AKAP7: variants seen among roughly 807,000 people sequenced by gnomAD.
AKAP7 encodes the protein A-kinase anchoring protein 7, also known as A kinase (PRKA) anchor protein 7.
AKAP7 carries 39 observed loss-of-function variants against 39.5 expected under a neutral mutation model. The observed-to-expected ratio is 0.99, with a 90% CI of 0.76 to 1.29. The LOEUF (loss-of-function observed/expected upper bound fraction) is 1.29, where lower values mean the gene tolerates loss of function less well. Among genes scored for constraint, AKAP7 ranks in the 50% most tolerant of loss-of-function variants. AKAP7 has a pLI of 0.00. For missense variants in AKAP7, 414 were observed against 407.7 expected (o/e 1.02, Z -0.13); for synonymous variants, 140 against 139.1 (o/e 1.01, Z -0.05).
intron 6 of AKAP7, among the ~76,000 whole-genome samples, chr6:131,204,460 T>C (rs1172112319): frequency 6.6e-6 from 1 of 152,214 alleles, no homozygotes; most frequent in East Asian, 1.9e-4. Context: ...AATGGTTTCC[T>C]TGGGTTTGCC....
upstream of AKAP7, among the ~76,000 whole-genome samples, chr6:131,132,701 C>T (rs1448039142): frequency 6.6e-6 from 1 of 151,976 alleles, no homozygotes; most frequent in African/African-American, 2.4e-5. Flanking sequence ...TTTACTTGTA[C>T]CTCTATCTCC....
chr6:131,267,296 A>G (rs1813879604), intron 7 of AKAP7, among the ~76,000 whole-genome samples: 1 of 152,182 alleles, frequency 6.6e-6, no homozygotes, highest in South Asian at 2.1e-4. Context: ...CAGCATCACT[A>G]GTCAGTGACA....
chr6:131,188,456 G>A (rs1030792127), intron 5 of AKAP7, among the ~76,000 whole-genome samples: 1 of 152,180 alleles, frequency 6.6e-6, no homozygotes, highest in Non-Finnish European at 1.5e-5. Context: ...ACTTACAATA[G>A]TAGTAGAAAG....
chr6:131,251,365 C>G (rs1447871417), intron 7 of AKAP7, among the ~76,000 whole-genome samples: 1 of 152,112 alleles, frequency 6.6e-6, no homozygotes, highest in South Asian at 2.1e-4. Context: ...CTAGTTGCCC[C>G]GAAATAGGGA....
chr6:131,275,528 T>C, intron 7 of AKAP7, among the ~76,000 whole-genome samples: 1 of 152,164 alleles, frequency 6.6e-6, no homozygotes, highest in East Asian at 1.9e-4. Flanking sequence ...AGAATCATAA[T>C]ATAGAGTCAG....
intron 7 of AKAP7, among the ~76,000 whole-genome samples, chr6:131,234,554 G>A (rs1810881775): frequency 6.6e-6 from 1 of 151,506 alleles, no homozygotes; most frequent in Non-Finnish European, 1.5e-5. Flanking sequence ...GCAGGGACGT[G>A]TAAGTAATTC....
intron 7 of AKAP7, among the ~76,000 whole-genome samples, chr6:131,245,335 C>T (rs931335355): frequency 9.2e-5 from 14 of 151,566 alleles, no homozygotes; most frequent in African/African-American, 3.4e-4. Flanking sequence ...ACCGCCACCT[C>T]CCAGGTTCAT....
intron 3 of AKAP7, among the ~76,000 whole-genome samples, chr6:131,164,855 TAGA>T (rs1328232964): frequency 6.6e-6 from 1 of 152,220 alleles, no homozygotes; most frequent in Non-Finnish European, 1.5e-5. Context: ...ACTGTTAAGA[TAGA>T]CAATCATCAT....
At chr6:131,169,732 A>G (rs533584840) in intron 5 of AKAP7, among the ~76,000 whole-genome samples, 8 of 152,304 alleles carry the variant, frequency 5.3e-5, no homozygotes, top group Admixed American at 2.6e-4. Context: ...AAAAAATCAT[A>G]ACCTGGATGA....
chr6:131,236,818 C>T (rs185711711), intron 7 of AKAP7, among the ~76,000 whole-genome samples: 5 of 152,118 alleles, frequency 3.3e-5, no homozygotes, highest in Admixed American at 1.3e-4. Context: ...GAGACGATGG[C>T]GTTTTCTAGA....
chr6:131,161,644 CAAAAAAAAAAAAAAAAAAAAAAA>C (rs55744190), intron 3 of AKAP7, among the ~76,000 whole-genome samples: 20 of 33,624 alleles, frequency 5.9e-4, no homozygotes, highest in Admixed American at 1.8e-3. Flanking sequence ...GACTGTATCT[CAAAAAAAAAAAAAAAAAAAAAAA>C]AAAAAAAAAA....
chr6:131,241,635 A>ACGTATATATATATATATGTGTGTGTGTG (rs1440702156), intron 7 of AKAP7, among the ~76,000 whole-genome samples: 11 of 86,604 alleles, frequency 1.3e-4, no homozygotes, highest in Non-Finnish European at 2.3e-4. Flanking sequence ...GTGTATATAT[A>ACGTATATATATATATATGTGTGTGTGTG]TATGACAGTT....
At chr6:131,246,689 T>TATC (rs1241021285) in intron 7 of AKAP7, among the ~76,000 whole-genome samples, 6 of 152,240 alleles carry the variant, frequency 3.9e-5, no homozygotes, top group Admixed American at 1.3e-4. Context: ...AAAAAGGGTC[T>TATC]ATCTTTAGGT....
At chr6:131,237,955 A>G (rs1811212611) in intron 7 of AKAP7, among the ~76,000 whole-genome samples, 1 of 151,894 alleles carries the variant, frequency 6.6e-6, no homozygotes, top group Non-Finnish European at 1.5e-5. Flanking sequence ...TAGCTTTTGA[A>G]TGTGTTTGCT....
rs192368266 is a variant in AKAP7, at chr6:131,189,515, A to G, written c.590-9946A>G. On this transcript the variant is annotated intron_variant, in intron 5 of 7. Transcript: ENST00000431975. ...GCAAAAAGGGTATATAAGTAGAAAC[A>G]TGACTTTGTTAAAATTGATCTGTTA... Among the ~76,000 whole-genome samples, 20 of 152,312 alleles carry G rather than the reference A, an allele frequency of 1.3e-4. No homozygotes were observed. In the East Asian group the frequency reaches 3.7e-3, roughly 28 times the overall value.
intron 7 of AKAP7, among the ~76,000 whole-genome samples, chr6:131,227,693 T>A (rs1370474610): frequency 6.6e-6 from 1 of 152,184 alleles, no homozygotes; most frequent in East Asian, 1.9e-4. Flanking sequence ...CTAGATAAGT[T>A]AGTGCCATAT....
At chr6:131,195,581 A>AC (rs1806843920) in intron 5 of AKAP7, among the ~76,000 whole-genome samples, 4 of 152,052 alleles carry the variant, frequency 2.6e-5, no homozygotes. Flanking sequence ...TTTCTTTCAG[A>AC]TTTTCAGATT....
rs77930548 is a variant in AKAP7, at chr6:131,184,313, G to A, written c.589+15040G>A. 0.019 allele frequency: 11,663 copies of A among 614,314 alleles called. 856 individuals carry two copies. In the East Asian group the frequency reaches 0.19, roughly 10 times the overall value. The allele number at this position is 614,314 out of a possible 1,614,324, so 38.1% of individuals were successfully genotyped here. On this transcript the variant is annotated intron_variant, in intron 5 of 7. Transcript: ENST00000431975. ...AGCCTTAGATATGTCGGGGAGCAGGGGGGTGGCTATATCAAGAGGAGTTCT... is the reference window on the plus strand; with the variant it reads ...AGCCTTAGATATGTCGGGGAGCAGGAGGGTGGCTATATCAAGAGGAGTTCT...
intron 7 of AKAP7, among the ~76,000 whole-genome samples, chr6:131,272,331 G>A (rs563437236): frequency 2.6e-5 from 4 of 151,710 alleles, no homozygotes; most frequent in Non-Finnish European, 2.9e-5. Flanking sequence ...CTTTGGTTTC[G>A]CTGATGTTCT....
Sources: gnomAD v4.1 joint callset for allele counts (sites outside exome capture counted in the v4.1 genomes callset) on GRCh38, gnomAD v4.1.1 for gene constraint, MANE v1.5 for transcripts, NCBI Gene and HGNC (gene_info 2026-07-23, HGNC 2026-07-21) for gene names.